The following CCDC80 variants were observed in gnomAD, a reference collection of about 807,000 sequenced individuals.
CCDC80 encodes the protein coiled-coil domain-containing protein 80.
In CCDC80, 49 loss-of-function variants were observed where a neutral mutation model predicts 78.7. That is an observed-to-expected ratio of 0.62 (90% CI 0.50 to 0.79). The LOEUF (loss-of-function observed/expected upper bound fraction) is 0.79. Ranked by LOEUF, CCDC80 falls within the 30% of genes least tolerant of loss-of-function variation. The pLI is 0.00. For missense variants in CCDC80, 1,205 were observed against 1,198.6 expected (o/e 1.01, Z -0.08); for synonymous variants, 488 against 447.0 (o/e 1.09, Z -1.16).
Position 112,639,338 on chromosome 3 carries a change from A to G in CCDC80, c.568T>C (p.Phe190Leu), listed in dbSNP as rs1936289470. Reference protein sequence around the residue: ...AERHIQQIVLFHQAGEEGGKV... With the variant: ...AERHIQQIVLLHQAGEEGGKV... ...CCTCCTTCCTCACCTGCCTGGTGGA[A>G]GAGCACAATCTGTTGGATGTGCCTC... is the stretch of plus-strand genomic sequence containing the variant. The change falls in exon 2 of 8, where the codon TTC (phenylalanine) becomes CTC (leucine). Residue 190 changes from phenylalanine (F) to leucine (L), a missense_variant. Coordinates refer to ENST00000206423, the MANE Select transcript of CCDC80 (RefSeq NM_199511.3). 1.2e-6 allele frequency: 2 copies of G among 1,614,014 alleles called. No homozygotes were observed. Among genetic ancestry groups the G allele is most frequent in the African/African-American group, 2.7e-5 (2 of 74,896 alleles).
At chr3:112,632,970 A>C (rs1936127541) in intron 2 of CCDC80, among the ~76,000 whole-genome samples, 1 of 152,172 alleles carries the variant, frequency 6.6e-6, no homozygotes, top group East Asian at 1.9e-4. Flanking sequence ...ATAGAGAAAG[A>C]ATAATTGCAG....
At chr3:112,619,466 G>A (rs1360029506) in intron 3 of CCDC80, among the ~76,000 whole-genome samples, 3 of 152,100 alleles carry the variant, frequency 2.0e-5, no homozygotes, top group Non-Finnish European at 2.9e-5. Context: ...GAACTGGACC[G>A]ACCCAGACAA....
At chr3:112,633,427 G>A (rs1936139684) in intron 2 of CCDC80, among the ~76,000 whole-genome samples, 2 of 152,040 alleles carry the variant, frequency 1.3e-5, no homozygotes, top group South Asian at 2.1e-4. Context: ...TGTCTGCCTC[G>A]CCCACTTGGA....
intron 4 of CCDC80, among the ~76,000 whole-genome samples, chr3:112,618,454 G>C (rs895795931): frequency 8.5e-5 from 13 of 152,174 alleles, no homozygotes; most frequent in African/African-American, 2.6e-4. Flanking sequence ...GTGAACCTGG[G>C]GGGTGGAGCT....
rs1323364468 is a variant in CCDC80 at position 112,638,737 on chromosome 3, G to A, written c.1169C>T (p.Pro390Leu). The A allele has an allele frequency of 1.9e-6, 3 of 1,613,980 alleles. No homozygotes were observed. The highest frequency in any genetic ancestry group is 4.5e-5 in the East Asian group (2 of 44,862). ...AFPTTQRPWT[P>L]SPSHRPPTTT... The stretch of plus-strand genomic sequence containing the variant: ...TGTAGGGGGCCTGTGGGAGGGTGAG[G>A]GGGTCCAGGGCCTCTGCGTGGTGGG... The change falls in exon 2 of 8, where the codon CCC becomes CTC. Residue 390 changes from proline to leucine, a missense_variant. Physicochemically the swap from Pro to Leu is moderately conservative, Grantham distance 98. Coordinates refer to ENST00000206423, the MANE Select transcript of CCDC80 (RefSeq NM_199511.3).
At chr3:112,630,948 CAG>C (rs1468393096) in intron 2 of CCDC80, among the ~76,000 whole-genome samples, 1 of 151,978 alleles carries the variant, frequency 6.6e-6, no homozygotes, top group Non-Finnish European at 1.5e-5. Context: ...CTCTTTGGTT[CAG>C]ACCTGGTATT....
At chr3:112,610,915 C>CTTTTTTTTTTTTTTTTTTTTTTTTTT (rs11379147) in intron 5 of CCDC80, among the ~76,000 whole-genome samples, 1 of 123,286 alleles carries the variant, frequency 8.1e-6, no homozygotes, top group Non-Finnish European at 1.6e-5. Flanking sequence ...TTCTTTCTTT[C>CTTTTTTTTTTTTTTTTTTTTTTTTTT]TTTTTTTTTT....
Position 112,602,819 on chromosome 3 carries a change from A to G in CCDC80, c.*2598T>C, listed in dbSNP as rs1176136144. On this transcript the variant is annotated 3_prime_UTR_variant, in exon 8 of 8. Coordinates refer to ENST00000206423, the MANE Select transcript of CCDC80 (RefSeq NM_199511.3). ...AGTAAAGCAGCAAATGTTGATGTAG[A>G]AGCTGCAGTAAGTTATCCAGAAGAT... 2.0e-5 allele frequency: 3 copies of G among 152,268 alleles called. No homozygotes were observed. Among genetic ancestry groups the G allele is most frequent in the Admixed American group, 2.0e-4 (3 of 15,278 alleles). The allele number at this position is 152,268 out of a possible 1,614,324, so 9.4% of individuals were successfully genotyped here. A position where few individuals can be genotyped will look rare whatever the true frequency, so the allele number is the denominator to read the frequency against.
chr3:112,639,134 A>G lies in CCDC80; in HGVS notation c.772T>C (p.Tyr258His). The stretch of plus-strand genomic sequence containing the variant: ...ATGGGGCCTTGGTCGATGACCTCGT[A>G]CATGGCTTCCAGCCTAACGGGATAT... ...YPYPVRLEAM[Y>H]EVIDQGPIRR... Residue 258 changes from tyrosine to histidine, a missense_variant, in exon 2 of 8, where the codon TAC (tyrosine) becomes CAC (histidine). Tyr to His is a moderately conservative substitution (Grantham distance 83). Coordinates refer to ENST00000206423, the MANE Select transcript of CCDC80 (RefSeq NM_199511.3). 2 of 1,614,144 alleles carry G rather than the reference A, an allele frequency of 1.2e-6. No homozygotes were observed. The highest frequency in any genetic ancestry group is 1.7e-6 in the Non-Finnish European group (2 of 1,180,028).
intron 3 of CCDC80, among the ~76,000 whole-genome samples, chr3:112,625,530 T>C (rs1308125594): frequency 1.3e-5 from 2 of 152,136 alleles, no homozygotes; most frequent in African/African-American, 4.8e-5. Context: ...ATGGACAAAA[T>C]GTTTAAACTA....
chr3:112,638,120 A>T lies in CCDC80; in HGVS notation c.1786T>A (p.Tyr596Asn). ...KKGGKTEQDG[Y>N]QKPTNKHFTQ... is the part of the protein sequence containing the mutation. ...AAGTGTTTGTTGGTGGGTTTCTGAT[A>T]GCCATCCTGTTCTGTTTTACCTCCT... Residue 596 changes from tyrosine to asparagine, a missense_variant, in exon 2 of 8, where the codon TAT becomes AAT. Physicochemically the swap from Tyr to Asn is moderately radical, Grantham distance 143 (BLOSUM62 -2). Coordinates refer to ENST00000206423, the MANE Select transcript of CCDC80 (RefSeq NM_199511.3). The T allele has an allele frequency of 6.2e-7, 1 of 1,614,134 alleles. No individual in the cohort carries two copies. Among genetic ancestry groups the T allele is most frequent in the Non-Finnish European group, 8.5e-7 (1 of 1,180,018 alleles).
chr3:112,597,120 AAAC>A lies in CCDC80; in HGVS notation c.*8294_*8296del. 6.6e-6 allele frequency: 1 copy of A among 152,336 alleles called. No homozygotes were observed. The highest frequency in any genetic ancestry group is 3.4e-3 in the Middle Eastern group (1 of 294). The allele number at this position is 152,336 out of a possible 1,614,324, so 9.4% of individuals were successfully genotyped here. ...GATCACCAGAGTAGTTTCAGACTAT[AAAC>A]AACACATCATAAATCCCACTGCCCT... On this transcript the variant is annotated 3_prime_UTR_variant, in exon 8 of 8. Coordinates refer to ENST00000206423, the MANE Select transcript of CCDC80 (RefSeq NM_199511.3).
chr3:112,620,277 G>A (rs1200616845), intron 3 of CCDC80, among the ~76,000 whole-genome samples: 1 of 152,196 alleles, frequency 6.6e-6, no homozygotes, highest in Non-Finnish European at 1.5e-5. Flanking sequence ...AAATCAAAAT[G>A]AGAGGGGAAA....
intron 3 of CCDC80, among the ~76,000 whole-genome samples, chr3:112,626,890 A>G (rs1162799549): frequency 6.6e-6 from 1 of 152,180 alleles, no homozygotes; most frequent in Non-Finnish European, 1.5e-5. Context: ...GTCATTAGAT[A>G]GTAAGAAATC....
intron 2 of CCDC80, 73 bp from the exon 3 acceptor site, chr3:112,630,342 T>C (rs891069285): frequency 8.3e-6 from 12 of 1,441,500 alleles, no homozygotes; most frequent in Admixed American, 1.7e-5. Context: ...CCCAAAGAGA[T>C]GATTTGGAAG....
chr3:112,627,992 G>A (rs1363708098), intron 3 of CCDC80, among the ~76,000 whole-genome samples: 1 of 152,092 alleles, frequency 6.6e-6, no homozygotes, highest in Non-Finnish European at 1.5e-5. Flanking sequence ...GGACCATATA[G>A]AAGTTGAGGT....
chr3:112,619,175 A>C lies in CCDC80; in HGVS notation c.2036-71T>G, dbSNP rs545551630. On this transcript the variant is annotated intron_variant, in intron 3 of 7. Coordinates refer to ENST00000206423, the MANE Select transcript of CCDC80 (RefSeq NM_199511.3). ...AAATCATTGGGAGGTGAATGGGTGAAGGCTTTGGGCCTAATCACACCAGCC... is the reference window on the plus strand; with the variant it reads ...AAATCATTGGGAGGTGAATGGGTGACGGCTTTGGGCCTAATCACACCAGCC... 2.7e-5 allele frequency: 39 copies of C among 1,424,988 alleles called. No homozygotes were observed. The East Asian group carries it at 8.9e-4, about 33-fold the overall frequency. The allele number at this position is 1,424,988 out of a possible 1,614,324, so 88.3% of individuals were successfully genotyped here.
chr3:112,619,613 C>T (rs941673681), intron 3 of CCDC80, among the ~76,000 whole-genome samples: 13 of 152,148 alleles, frequency 8.5e-5, no homozygotes, highest in Non-Finnish European at 1.8e-4. Flanking sequence ...TCTGTTGAAA[C>T]CTAGTCACAG....
chr3:112,609,107 A>G (rs1256542184), intron 6 of CCDC80, among the ~76,000 whole-genome samples: 1 of 147,244 alleles, frequency 6.8e-6, no homozygotes, highest in African/African-American at 2.7e-5. Context: ...GCCCCTGCCC[A>G]GTGAATCTCT....
Sources: gnomAD v4.1 joint callset for allele counts (sites outside exome capture counted in the v4.1 genomes callset) on GRCh38, gnomAD v4.1.1 for gene constraint, MANE v1.5 for transcripts, NCBI Gene and HGNC (gene_info 2026-07-23, HGNC 2026-07-21) for gene names.